The following MGLL variants were observed in gnomAD, a reference collection of about 807,000 sequenced individuals.
MGLL encodes lysophospholipase homolog.
MGLL carries 7 observed loss-of-function variants against 29.1 expected under a neutral mutation model. That is an observed-to-expected ratio of 0.24 (90% CI 0.14 to 0.45). MGLL has a LOEUF of 0.45. Among genes scored for constraint, MGLL ranks in the 20% least tolerant of loss-of-function variants. MGLL has a pLI of 0.99. For synonymous variants in MGLL, 148 were observed against 168.3 expected (o/e 0.88, Z 0.93); for missense variants, 356 against 413.6 (o/e 0.86, Z 1.21).
chr3:127,821,629 G>T, intron 2 of MGLL, 65 bp downstream of exon 2: 1 of 1,583,776 alleles, frequency 6.3e-7, no homozygotes, highest in South Asian at 1.1e-5. Flanking sequence ...ACATGATAAC[G>T]ACCAGAGGAG....
rs11923392 is a variant in MGLL, at chr3:127,791,826, T to C, written c.156-9931A>G. ...TGACTTAAACCTGTAATCCCAGCACTTTGGGAGGCCGAGGTAGGGGGATCA... is the reference window on the plus strand; with the variant it reads ...TGACTTAAACCTGTAATCCCAGCACCTTGGGAGGCCGAGGTAGGGGGATCA... On this transcript the variant is annotated intron_variant, in intron 2 of 7. Transcript: ENST00000265052. Among the ~76,000 whole-genome samples the C allele has an allele frequency of 9.2e-3, 1,408 of 152,308 alleles. 16 individuals are homozygous for C. Among genetic ancestry groups the C allele is most frequent in the African/African-American group, 0.032 (1,344 of 41,566 alleles).
At chr3:127,785,149 C>T (rs2077191341) in intron 2 of MGLL, among the ~76,000 whole-genome samples, 1 of 152,086 alleles carries the variant, frequency 6.6e-6, no homozygotes, top group Non-Finnish European at 1.5e-5. Context: ...GGTGCTTCAC[C>T]TCACCCCCTG....
intron 6 of MGLL, among the ~76,000 whole-genome samples, chr3:127,695,800 T>A (rs915848463): frequency 9.2e-5 from 14 of 152,242 alleles, no homozygotes; most frequent in Non-Finnish European, 1.5e-4. Flanking sequence ...TTAAAAAATA[T>A]AAGCAGCAGC....
chr3:127,692,007 G>T lies in MGLL; in HGVS notation c.*191C>A. On this transcript the variant is annotated 3_prime_UTR_variant, in exon 8 of 8. Transcript: ENST00000265052. ...TTTGCATAAAGTGTCTAACCATTAA[G>T]GTAGGTCCAGTGTCTGATAGTCTAA... 4.2e-6 allele frequency: 3 copies of T among 708,180 alleles called. No homozygotes were observed. The highest frequency in any genetic ancestry group is 6.8e-6 in the Non-Finnish European group (3 of 438,082). The allele number at this position is 708,180 out of a possible 1,614,324, so 43.9% of individuals were successfully genotyped here.
chr3:127,816,805 G>A (rs572822867), intron 2 of MGLL, among the ~76,000 whole-genome samples: 1 of 152,318 alleles, frequency 6.6e-6, no homozygotes, highest in South Asian at 2.1e-4. Context: ...CGGGAGCAAG[G>A]GAAGGAACTG....
At chr3:127,750,349 T>A (rs2076534855) in intron 3 of MGLL, among the ~76,000 whole-genome samples, 1 of 152,140 alleles carries the variant, frequency 6.6e-6, no homozygotes, top group African/African-American at 2.4e-5. Context: ...ACTGGGGGCC[T>A]CGGGCAGGCC....
At chr3:127,723,893 G>C (rs2075983617) in intron 3 of MGLL, among the ~76,000 whole-genome samples, 1 of 152,108 alleles carries the variant, frequency 6.6e-6, no homozygotes, top group Non-Finnish European at 1.5e-5. Context: ...TGAAGACAGG[G>C]TCTTAAAAAA....
At chr3:127,787,553 G>A (rs1289687385) in intron 2 of MGLL, among the ~76,000 whole-genome samples, 3 of 152,338 alleles carry the variant, frequency 2.0e-5, no homozygotes, top group Admixed American at 1.3e-4. Flanking sequence ...TGAATATTTT[G>A]TTAGAGGAAA....
In MGLL at chr3:127,695,070, A is replaced by C. The variant is rs1164584750; in HGVS notation, c.721T>G (p.Phe241Val). 1 of 1,614,140 alleles carries C rather than the reference A, an allele frequency of 6.2e-7. No individual in the cohort carries two copies. ...ERALPKLTVPFLLLQGSADRL... is the reference protein window; with the variant it reads ...ERALPKLTVPVLLLQGSADRL... Reference sequence around the variant, plus strand: ...TCGGCAGAGCCCTGGAGCAGCAGGAAGGGCACAGTCAGCTTGGGGAGGGCG... The same window carrying C: ...TCGGCAGAGCCCTGGAGCAGCAGGACGGGCACAGTCAGCTTGGGGAGGGCG... The change falls in exon 7 of 8, where the codon TTC (phenylalanine) becomes GTC (valine). Residue 241 changes from phenylalanine to valine, a missense_variant. Coordinates refer to ENST00000265052, the MANE Select transcript of MGLL (RefSeq NM_007283.7).
chr3:127,765,448 T>C lies in MGLL; in HGVS notation c.262+16341A>G, dbSNP rs539242060. Among the ~76,000 whole-genome samples, 5 of 152,346 alleles carry C rather than the reference T, an allele frequency of 3.3e-5. No homozygotes were observed. In the South Asian group the frequency reaches 1.0e-3, roughly 32 times the overall value. ...GAATGAGAAGAGATGGTGCTGGGTCTCCAGGAGTGTCCATTTGGCTTCCAA... is the reference window on the plus strand; with the variant it reads ...GAATGAGAAGAGATGGTGCTGGGTCCCCAGGAGTGTCCATTTGGCTTCCAA... On this transcript the variant is annotated intron_variant, in intron 3 of 7. Coordinates refer to ENST00000265052, the MANE Select transcript of MGLL (RefSeq NM_007283.7).
intron 3 of MGLL, among the ~76,000 whole-genome samples, chr3:127,754,494 TG>T (rs2076622102): frequency 6.6e-6 from 1 of 152,178 alleles, no homozygotes; most frequent in Non-Finnish European, 1.5e-5. Context: ...CGGCGTTAAC[TG>T]GATGAGTACT....
At chr3:127,692,467 T>A in intron 7 of MGLL, 144 bp from the exon 8 acceptor site, 1 of 943,126 alleles carries the variant, frequency 1.1e-6, no homozygotes, top group Non-Finnish European at 1.6e-6. Flanking sequence ...CCTCCCATTA[T>A]TAGGAGGCCA....
intron 6 of MGLL, among the ~76,000 whole-genome samples, chr3:127,706,226 A>G (rs1214356038): frequency 1.3e-5 from 2 of 152,136 alleles, no homozygotes; most frequent in African/African-American, 4.8e-5. Flanking sequence ...CGGAAGCCCA[A>G]CTGAGCCCAC....
intron 7 of MGLL, 45 bp downstream of exon 7, chr3:127,694,929 TC>T (rs746397016): frequency 2.2e-4 from 347 of 1,587,418 alleles, no homozygotes; most frequent in Middle Eastern, 1.8e-3. Flanking sequence ...TGCCTTCCTG[TC>T]CCCCCTCCAC....
intron 5 of MGLL, chr3:127,711,057 A>C: frequency 2.9e-6 from 1 of 347,200 alleles, no homozygotes; most frequent in South Asian, 2.3e-5. Flanking sequence ...GCAGAATCAC[A>C]CAGATCAACT....
intron 2 of MGLL, among the ~76,000 whole-genome samples, chr3:127,814,593 AG>A (rs560591380): frequency 1.5e-3 from 234 of 152,350 alleles, no homozygotes; most frequent in African/African-American, 5.3e-3. Flanking sequence ...GTTGCTATTC[AG>A]GGAGCAGCTT....
At chr3:127,722,648 C>T (rs930433040) in intron 3 of MGLL, 82 bp from the exon 4 acceptor site, 16 of 1,581,696 alleles carry the variant, frequency 1.0e-5, no homozygotes, top group Middle Eastern at 1.7e-4. Flanking sequence ...TCACTGCAAT[C>T]GCTCTCTCTC....
intron 5 of MGLL, among the ~76,000 whole-genome samples, chr3:127,714,751 G>A (rs2075783388): frequency 6.6e-6 from 1 of 152,236 alleles, no homozygotes; most frequent in Non-Finnish European, 1.5e-5. Context: ...AAAGAGGCAG[G>A]AGGGGACCCG....
intron 3 of MGLL, among the ~76,000 whole-genome samples, chr3:127,752,565 T>C (rs573479908): frequency 2.0e-5 from 3 of 152,332 alleles, no homozygotes; most frequent in African/African-American, 7.2e-5. Flanking sequence ...ACTCTTCCTG[T>C]GCTCATGGGC....
Sources: gnomAD v4.1 joint callset for allele counts (sites outside exome capture counted in the v4.1 genomes callset) on GRCh38, gnomAD v4.1.1 for gene constraint, MANE v1.5 for transcripts, NCBI Gene and HGNC (gene_info 2026-07-23, HGNC 2026-07-21) for gene names.